Variants in ABCC6 observed in about 807,000 individuals in gnomAD.
ABCC6 encodes ATP-binding cassette sub-family C member 6.
In ABCC6, 126 loss-of-function variants were observed where a neutral mutation model predicts 169.5. The ratio of observed to expected loss-of-function variants is 0.74; its 90% CI spans 0.64 to 0.86. The LOEUF is 0.86. ABCC6 is among the 40% of genes least tolerant of loss of function. ABCC6 has a pLI of 0.00. For synonymous variants in ABCC6, 752 were observed against 814.7 expected (o/e 0.92, Z 1.31); for missense variants, 1,733 against 1,927.2 (o/e 0.90, Z 1.89).
intron 7 of ABCC6, among the ~76,000 whole-genome samples, chr16:16,206,480 A>G (rs184071587): frequency 1.5e-4 from 23 of 151,632 alleles, no homozygotes; most frequent in Non-Finnish European, 2.1e-4. Context: ...TAAAAAATAC[A>G]AAAATTAGTG....
intron 10 of ABCC6, 34 bp from the exon 11 acceptor site, chr16:16,192,956 C>T: frequency 1.9e-6 from 3 of 1,583,294 alleles, no homozygotes; most frequent in Non-Finnish European, 2.6e-6. Context: ...TCAGGAGATC[C>T]CGAGGAGCCC....
At chr16:16,158,974 A>G (rs1041762211) in intron 26 of ABCC6, among the ~76,000 whole-genome samples, 1 of 151,392 alleles carries the variant, frequency 6.6e-6, no homozygotes, top group Admixed American at 6.6e-5. Flanking sequence ...TTACGTTACT[A>G]TTACATTGCT....
At chr16:16,199,735 C>G (rs4781744) in intron 9 of ABCC6, among the ~76,000 whole-genome samples, 1 of 110,752 alleles carries the variant, frequency 9.0e-6, no homozygotes, top group Admixed American at 1.0e-4. Context: ...CTCTCCCGGG[C>G]CTGGAGTTTG....
intron 22 of ABCC6, among the ~76,000 whole-genome samples, chr16:16,168,303 C>CTCATGCCTGTGATCCCACCACTTTGGG (rs1555509974): frequency 6.6e-6 from 1 of 152,104 alleles, no homozygotes; most frequent in Non-Finnish European, 1.5e-5. Flanking sequence ...CCAGCCTGGG[C>CTCATGCCTGTGATCCCACCACTTTGGG]AACACGGCGA....
At chr16:16,150,404 A>G (rs372339433) in intron 30 of ABCC6, among the ~76,000 whole-genome samples, 163 bp from the exon 31 acceptor site, 2 of 152,294 alleles carry the variant, frequency 1.3e-5, no homozygotes, top group East Asian at 1.9e-4. Context: ...TGCTGGGCGC[A>G]TGTCCTTGGG....
chr16:16,169,998 T>A, intron 21 of ABCC6, 145 bp from the exon 22 acceptor site: 1 of 827,098 alleles, frequency 1.2e-6, no homozygotes, highest in Non-Finnish European at 2.0e-6. Flanking sequence ...CCGCTGTGCC[T>A]CCCACCAGAA....
At chr16:16,187,903 TAAATTAAA>T (rs1347898467) in intron 13 of ABCC6, among the ~76,000 whole-genome samples, 1 of 81,994 alleles carries the variant, frequency 1.2e-5, no homozygotes, top group Non-Finnish European at 2.7e-5. Context: ...TCTCAATAAA[TAAATTAAA>T]TAAATAAATA....
Position 16,202,015 on chromosome 16 carries a change from G to A in ABCC6, c.1162C>T (p.Leu388=). 6.2e-7 allele frequency: 1 copy of A among 1,613,990 alleles called. No homozygotes were observed. The highest frequency in any genetic ancestry group is 8.5e-7 in the Non-Finnish European group (1 of 1,179,868). The change falls in exon 9 of 31, where the codon CTG becomes TTG. Residue 388 remains leucine, a synonymous_variant. Coordinates refer to ENST00000205557, the MANE Select transcript of ABCC6 (RefSeq NM_001171.6). ...CCAGGGCTCACCTTTCTGTACACCA[G>A]GCCAGTGATGGCCGACCGCAACCTC... ...QMRLRSAITG[L]VYRKVLALSS...
chr16:16,182,362 A>T, intron 17 of ABCC6, 50 bp downstream of exon 17: 2 of 1,604,966 alleles, frequency 1.2e-6, no homozygotes, highest in Non-Finnish European at 1.7e-6. Context: ...GACCCAAATG[A>T]CTCCCAACTG....
At chr16:16,159,435 C>T (rs59049137) in intron 26 of ABCC6, 47 bp downstream of exon 26, 9 of 1,451,886 alleles carry the variant, frequency 6.2e-6, no homozygotes, top group South Asian at 4.6e-5. Flanking sequence ...TGCCCCCCCC[C>T]ACAATATGTC....
chr16:16,209,231 C>G (rs2152289886), intron 6 of ABCC6, among the ~76,000 whole-genome samples: 1 of 152,022 alleles, frequency 6.6e-6, no homozygotes. Context: ...TTACAGGCAC[C>G]CACCACCATA....
chr16:16,178,962 T>G lies in ABCC6; in HGVS notation c.2251A>C (p.Met751Leu). ...TGCTTCTGGCCTCCGGAGAGATTCA[T>G]GCCCTGTGGCCACAAAAGGAACAGT... ...GIHTSIGEQG[M>L]NLSGGQKQRL... The change falls in exon 18 of 31, where the codon ATG (methionine) becomes CTG (leucine). Residue 751 changes from methionine to leucine, a missense_variant. Coordinates refer to ENST00000205557, the MANE Select transcript of ABCC6 (RefSeq NM_001171.6). 6.2e-7 allele frequency: 1 copy of G among 1,612,396 alleles called. No individual in the cohort carries two copies.
At chr16:16,219,059 C>CAAAAA (rs545447445) in intron 4 of ABCC6, among the ~76,000 whole-genome samples, 3 of 10,376 alleles carry the variant, frequency 2.9e-4, no homozygotes, top group African/African-American at 3.1e-4. Flanking sequence ...GCAAGCCTCT[C>CAAAAA]AAAAAAAAAA....
At chr16:16,170,526 C>T (rs927573253) in intron 21 of ABCC6, among the ~76,000 whole-genome samples, 1 of 152,160 alleles carries the variant, frequency 6.6e-6, no homozygotes, top group Non-Finnish European at 1.5e-5. Flanking sequence ...CCTGCTCCTA[C>T]AAATCTGAAG....
Position 16,161,556 on chromosome 16 carries a change from G to A in ABCC6, c.3515C>T (p.Ala1172Val), listed in dbSNP as rs753771636. Residue 1172 changes from alanine (A) to valine (V), a missense_variant, in exon 25 of 31, where the codon GCG (alanine) becomes GTG (valine). Physicochemically the swap from Ala to Val is moderately conservative, Grantham distance 64 (BLOSUM62 0). Around this residue, in one of 5 missense-constraint regions of ABCC6, gnomAD observed 1,601 missense variants for 1,635.5 expected, o/e 0.98. Transcript: ENST00000205557. ...FPRLVADRWL[A>V]ANVELLGNGL... ...ATTCCCCAGGAGCTCCACATTGGCC[G>A]CAAGCCACCTGCAAAGGGAAGCGAC... 1.7e-5 allele frequency: 28 copies of A among 1,613,782 alleles called. No individual in the cohort carries two copies. Among genetic ancestry groups the A allele is most frequent in the Middle Eastern group, 1.6e-4 (1 of 6,084 alleles).
rs1381880395 is a variant in ABCC6, at chr16:16,163,010, CG to C, written c.3488del (p.Pro1163ArgfsTer30). 6 of 1,613,968 alleles carry C rather than the reference CG, an allele frequency of 3.7e-6. No individual in the cohort carries two copies. On this transcript the variant is annotated frameshift_variant, in exon 24 of 31. Transcript: ENST00000205557. LOFTEE classifies it high-confidence loss of function. ...CTTCCTACCTGTCAGCCACCAGTCG[CG>C]GGAAACTGATCCTCTGGCTTTCATC... ...RVDESQRISFPRLVADRWLAA... is the reference protein window; with the variant it reads ...RVDESQRISFXRLVADRWLAA...
intron 4 of ABCC6, among the ~76,000 whole-genome samples, chr16:16,215,045 A>G (rs2048806668): frequency 2.0e-5 from 3 of 152,202 alleles, no homozygotes; most frequent in African/African-American, 7.2e-5. Context: ...GAAACAATTT[A>G]CCTTCTTCTT....
chr16:16,221,888 C>T (rs1390000039), intron 1 of ABCC6, 57 bp from the exon 2 acceptor site: 13 of 1,611,938 alleles, frequency 8.1e-6, no homozygotes, highest in African/African-American at 1.3e-5. Flanking sequence ...CCCCAGCTCA[C>T]CTGCCCAGGG....
Position 16,201,116 on chromosome 16 carries a change from G to T in ABCC6, c.1176+885C>A, listed in dbSNP as rs577691133. ...CAAGTAGCTGGAATTACAGGCACAT[G>T]CCACCATGCCTGGCTAATTTTTGTA... is the stretch of plus-strand genomic sequence containing the variant. On this transcript the variant is annotated intron_variant, in intron 9 of 30. Transcript: ENST00000205557. 1.1e-4 allele frequency among the ~76,000 whole-genome samples: 16 copies of T among 152,288 alleles called. No individual in the cohort carries two copies. In the South Asian group the frequency reaches 3.1e-3, roughly 30 times the overall value.
Sources: gnomAD v4.1 joint callset for allele counts (sites outside exome capture counted in the v4.1 genomes callset) on GRCh38, gnomAD v4.1.1 for gene constraint, gnomAD v4.1.1 regional missense constraint, MANE v1.5 for transcripts, NCBI Gene and HGNC (gene_info 2026-07-23, HGNC 2026-07-21) for gene names.